Variants in FHIT observed in about 807,000 individuals in gnomAD.
FHIT encodes the protein bis(5'-adenosyl)-triphosphatase.
FHIT carries 19 observed loss-of-function variants against 17.9 expected under a neutral mutation model. The ratio of observed to expected loss-of-function variants is 1.06; its 90% CI spans 0.74 to 1.56. The LOEUF (loss-of-function observed/expected upper bound fraction) is 1.56, where lower values mean the gene tolerates loss of function less well. FHIT is among the 40% of genes most tolerant of loss of function. The probability of loss-of-function intolerance (pLI) is 0.00; values close to 1 mark genes in which losing one functional copy is unlikely to be tolerated. For missense variants in FHIT, 248 were observed against 189.2 expected (o/e 1.31, Z -1.82); for synonymous variants, 81 against 69.7 (o/e 1.16, Z -0.81).
chr3:60,950,445 AAATATT>A (rs1192322207), intron 3 of FHIT, among the ~76,000 whole-genome samples: 18 of 152,068 alleles, frequency 1.2e-4, no homozygotes, highest in Admixed American at 1.2e-3. Flanking sequence ...CTATAAAATA[AAATATT>A]AAAGAAGAAG....
chr3:60,494,831 T>C (rs1298300172), intron 5 of FHIT, among the ~76,000 whole-genome samples: 2 of 152,200 alleles, frequency 1.3e-5, no homozygotes, highest in Non-Finnish European at 2.9e-5. Flanking sequence ...GGATAAATAG[T>C]ACTCCATTGT....
chr3:59,907,489 T>C (rs1230419404), intron 8 of FHIT, among the ~76,000 whole-genome samples: 4 of 152,042 alleles, frequency 2.6e-5, no homozygotes, highest in Non-Finnish European at 4.4e-5. Context: ...CACAGAAGAG[T>C]TCTAACTGCC....
intron 3 of FHIT, among the ~76,000 whole-genome samples, chr3:60,987,839 A>G (rs893847351): frequency 1.3e-5 from 2 of 152,086 alleles, no homozygotes; most frequent in Non-Finnish European, 2.9e-5. Context: ...GAGTCCATAA[A>G]ATTCTCTTCC....
At chr3:60,723,648 C>A (rs931290476) in intron 4 of FHIT, among the ~76,000 whole-genome samples, 1 of 152,222 alleles carries the variant, frequency 6.6e-6, no homozygotes, top group South Asian at 2.1e-4. Flanking sequence ...CTCCTGATTT[C>A]TCCAGACTGC....
chr3:60,320,839 A>C (rs1023385825), intron 5 of FHIT, among the ~76,000 whole-genome samples: 1 of 152,234 alleles, frequency 6.6e-6, no homozygotes, highest in African/African-American at 2.4e-5. Context: ...ATAATTCTTT[A>C]AAATTACCTA....
intron 4 of FHIT, among the ~76,000 whole-genome samples, chr3:60,794,460 T>C (rs1337101164): frequency 6.6e-6 from 1 of 152,052 alleles, no homozygotes; most frequent in Non-Finnish European, 1.5e-5. Context: ...GTTTTCCACA[T>C]TTTAACATTT....
chr3:60,187,366 T>G (rs774223463), intron 5 of FHIT, among the ~76,000 whole-genome samples: 6 of 152,204 alleles, frequency 3.9e-5, no homozygotes, highest in Admixed American at 2.6e-4. Flanking sequence ...AGAAGAGAAG[T>G]TGTCCTCTGA....
At chr3:60,144,706 A>G (rs1559673680) in intron 5 of FHIT, among the ~76,000 whole-genome samples, 1 of 152,264 alleles carries the variant, frequency 6.6e-6, no homozygotes, top group East Asian at 1.9e-4. Context: ...GGTAGTTAGT[A>G]TATCCATCAC....
chr3:60,927,302 T>A (rs1439707866), intron 3 of FHIT, among the ~76,000 whole-genome samples: 1 of 152,212 alleles, frequency 6.6e-6, no homozygotes, highest in Non-Finnish European at 1.5e-5. Context: ...CACTCAGTGC[T>A]CAATGTTGCC....
At chr3:60,436,232 G>C (rs2030225738) in intron 5 of FHIT, among the ~76,000 whole-genome samples, 1 of 151,878 alleles carries the variant, frequency 6.6e-6, no homozygotes, top group Non-Finnish European at 1.5e-5. Context: ...AATTTTAGTA[G>C]AGATGGGAGA....
intron 5 of FHIT, among the ~76,000 whole-genome samples, chr3:60,388,068 G>A (rs1464990081): frequency 6.6e-6 from 1 of 152,196 alleles, no homozygotes. Flanking sequence ...ACCAGAAGCA[G>A]ATATTGTTGC....
intron 5 of FHIT, among the ~76,000 whole-genome samples, chr3:60,275,951 G>C (rs532532223): frequency 1.3e-5 from 2 of 151,762 alleles, no homozygotes; most frequent in African/African-American, 4.8e-5. Flanking sequence ...CTGACCAATA[G>C]GATAAGTTTA....
chr3:59,759,447 C>T (rs1701390018), intron 8 of FHIT, among the ~76,000 whole-genome samples: 1 of 152,248 alleles, frequency 6.6e-6, no homozygotes. Flanking sequence ...AGTGAGAGGA[C>T]TTGGCCCCTC....
At chr3:60,830,948 G>T (rs1266910371) in intron 3 of FHIT, among the ~76,000 whole-genome samples, 4 of 152,164 alleles carry the variant, frequency 2.6e-5, no homozygotes, top group Non-Finnish European at 5.9e-5. Flanking sequence ...GTCTAGGTGT[G>T]ATATAAGGGC....
At chr3:61,067,958 T>A (rs1420765903) in intron 2 of FHIT, among the ~76,000 whole-genome samples, 1 of 152,188 alleles carries the variant, frequency 6.6e-6, no homozygotes, top group African/African-American at 2.4e-5. Context: ...TCTATTATTG[T>A]ATAATGGTGG....
At chr3:59,804,247 C>T (rs557297104) in intron 8 of FHIT, among the ~76,000 whole-genome samples, 7 of 152,312 alleles carry the variant, frequency 4.6e-5, no homozygotes, top group African/African-American at 1.4e-4. Flanking sequence ...ACACTTAAAT[C>T]CAGGAAGAGA....
intron 5 of FHIT, among the ~76,000 whole-genome samples, chr3:60,492,290 T>C (rs2034099110): frequency 2.0e-5 from 3 of 152,226 alleles, no homozygotes; most frequent in South Asian, 2.1e-4. Context: ...AAAATATTGA[T>C]GTCTTTCTGT....
At chr3:60,900,595 AC>A (rs1553762951) in intron 3 of FHIT, among the ~76,000 whole-genome samples, 1 of 152,138 alleles carries the variant, frequency 6.6e-6, no homozygotes, top group Non-Finnish European at 1.5e-5. Context: ...GGACACTTCT[AC>A]CTACATTTTT....
intron 5 of FHIT, among the ~76,000 whole-genome samples, chr3:60,486,982 C>G (rs114682647): frequency 0.014 from 2,173 of 152,274 alleles, 49 homozygotes; most frequent in African/African-American, 0.049. Flanking sequence ...CTAAGCAACC[C>G]TGCCACAAGC....
Sources: allele counts gnomAD v4.1 joint callset (sites outside exome capture counted in the v4.1 genomes callset), GRCh38; gene constraint gnomAD v4.1.1; transcripts MANE v1.5; gene names NCBI Gene and HGNC (gene_info 2026-07-23, HGNC 2026-07-21).